PXDNL: variants seen among roughly 807,000 people sequenced by gnomAD.
The protein encoded by PXDNL is peroxidasin like.
Under a neutral mutation model 150.8 loss-of-function variants are expected in PXDNL, and 145 were observed. The ratio of observed to expected loss-of-function variants is 0.96; its 90% confidence interval spans 0.84 to 1.10. PXDNL has a LOEUF of 1.10. PXDNL is among the 50% of genes least tolerant of loss of function. The probability of loss-of-function intolerance (pLI) is 0.00; values close to 1 mark genes in which losing one functional copy is unlikely to be tolerated. For missense variants in PXDNL, 2,087 were observed against 1,873.9 expected (o/e 1.11, Z -2.10); for synonymous variants, 757 against 725.7 (o/e 1.04, Z -0.69).
chr8:51,449,140 T>C (rs1809749163), intron 10 of PXDNL, 22 bp from the exon 11 acceptor site: 1 of 1,316,926 alleles, frequency 7.6e-7, no homozygotes, highest in African/African-American at 1.5e-5. Flanking sequence ...GAAACATACA[T>C]CAAAATTGAA....
intron 1 of PXDNL, among the ~76,000 whole-genome samples, chr8:51,798,376 C>T (rs949392975): frequency 4.6e-5 from 7 of 152,084 alleles, no homozygotes; most frequent in Non-Finnish European, 1.0e-4. Flanking sequence ...GCAAAAGAAA[C>T]TATCATCAGA....
At position 51,408,661 on chromosome 8, in the gene PXDNL, A is replaced by G. The variant is rs1208178270; in HGVS notation, c.2963T>C (p.Leu988Pro). Residue 988 changes from leucine (L) to proline (P), a missense_variant, in exon 17 of 23, where the codon CTG (leucine) becomes CCG (proline). Physicochemically the swap from Leu to Pro is moderately conservative, Grantham distance 98. Transcript: ENST00000356297. ...CGTGTTTCCCTCCCAGTGGGGGTTCAGGGCGGACAGCTCCGTGGCCATCCT... is the reference window on the plus strand; with the variant it reads ...CGTGTTTCCCTCCCAGTGGGGGTTCGGGGCGGACAGCTCCGTGGCCATCCT... ...HNRMATELSA[L>P]NPHWEGNTVY... 1.2e-6 allele frequency: 2 copies of G among 1,603,732 alleles called. No homozygotes were observed. Among genetic ancestry groups the G allele is most frequent in the African/African-American group, 1.3e-5 (1 of 74,754 alleles).
chr8:51,637,860 G>C lies in PXDNL; in HGVS notation c.236+16829C>G, dbSNP rs188632655. 4.5e-4 allele frequency among the ~76,000 whole-genome samples: 69 copies of C among 152,248 alleles called. 1 individual carries two copies. Among genetic ancestry groups the C allele is most frequent in the African/African-American group, 1.7e-3 (69 of 41,546 alleles). On this transcript the variant is annotated intron_variant, in intron 2 of 22. Transcript: ENST00000356297. ...CAGGAAATACAGAGAACGCCACAAA[G>C]ATACTCCTCAAGAAGAGCAACTCCA... is the stretch of plus-strand genomic sequence containing the variant.
In PXDNL at chr8:51,556,890, G is replaced by T. The variant is rs370927698; in HGVS notation, c.330C>A (p.Ile110=). The T allele has an allele frequency of 1.3e-6, 2 of 1,579,230 alleles. No homozygotes were observed. Among genetic ancestry groups the T allele is most frequent in the Non-Finnish European group, 1.7e-6 (2 of 1,149,248 alleles). The change falls in exon 4 of 23, where the codon ATC becomes ATA. Residue 110 remains isoleucine (I), a synonymous_variant. Coordinates refer to ENST00000356297, the MANE Select transcript of PXDNL (RefSeq NM_144651.5). ...LLYLYLYKNE[I]HALDKQTFKG... ...TAAATGTTTGCTTATCTAGTGCATG[G>T]ATTTCATTCTTATACAGGTACCTGG...
At chr8:51,797,091 G>A (rs1490430495) in intron 1 of PXDNL, among the ~76,000 whole-genome samples, 1 of 152,130 alleles carries the variant, frequency 6.6e-6, no homozygotes, top group African/African-American at 2.4e-5. Context: ...TATCTCAATA[G>A]ACACAGAAAA....
chr8:51,537,912 C>T (rs1362691704), intron 4 of PXDNL, among the ~76,000 whole-genome samples: 1 of 152,096 alleles, frequency 6.6e-6, no homozygotes, highest in Non-Finnish European at 1.5e-5. Context: ...AAAAGCCACA[C>T]CACTTCCAGC....
intron 3 of PXDNL, among the ~76,000 whole-genome samples, chr8:51,570,439 T>C (rs1052772077): frequency 6.6e-6 from 1 of 151,982 alleles, no homozygotes; most frequent in African/African-American, 2.4e-5. Context: ...TTGTTTGTTT[T>C]GGTCTATTGT....
rs183423264 is a variant in PXDNL at position 51,329,662 on chromosome 8, T to C, written c.4147-8765A>G. ...AAAGTAGGCAACATTCAGGAAAACA[T>C]GGGTAATGTAAGTAGAGAGATAAAA... On this transcript the variant is annotated intron_variant, in intron 21 of 22. Transcript: ENST00000356297. Among the ~76,000 whole-genome samples, 18 of 152,170 alleles carry C rather than the reference T, an allele frequency of 1.2e-4. No individual in the cohort carries two copies. The East Asian group carries it at 3.5e-3, about 29-fold the overall frequency.
At chr8:51,363,627 G>T (rs962009589) in intron 19 of PXDNL, among the ~76,000 whole-genome samples, 2 of 152,144 alleles carry the variant, frequency 1.3e-5, no homozygotes, top group Non-Finnish European at 2.9e-5. Flanking sequence ...TAGGTCAGGG[G>T]TCCATCTTTA....
At chr8:51,637,960 G>T (rs1279356837) in intron 2 of PXDNL, among the ~76,000 whole-genome samples, 1 of 152,152 alleles carries the variant, frequency 6.6e-6, no homozygotes, top group East Asian at 1.9e-4. Flanking sequence ...AGAAAGGTCG[G>T]GTTACCCACA....
chr8:51,475,453 G>C (rs999792148), intron 6 of PXDNL, among the ~76,000 whole-genome samples: 1 of 152,078 alleles, frequency 6.6e-6, no homozygotes, highest in Non-Finnish European at 1.5e-5. Context: ...ATTTGTTTCA[G>C]AGAAATGTAG....
At chr8:51,452,047 A>G (rs1265356325) in intron 10 of PXDNL, among the ~76,000 whole-genome samples, 1 of 152,222 alleles carries the variant, frequency 6.6e-6, no homozygotes, top group Non-Finnish European at 1.5e-5. Flanking sequence ...AGTTCTGTTA[A>G]GCAATGACTG....
At chr8:51,630,567 A>C (rs1264956830) in intron 2 of PXDNL, among the ~76,000 whole-genome samples, 1 of 152,196 alleles carries the variant, frequency 6.6e-6, no homozygotes, top group Non-Finnish European at 1.5e-5. Context: ...AGAATCTATA[A>C]GGAATGTAAA....
chr8:51,500,848 G>A (rs77762739), intron 4 of PXDNL, among the ~76,000 whole-genome samples: 3,907 of 152,196 alleles, frequency 0.026, 79 homozygotes, highest in Non-Finnish European at 0.034. Flanking sequence ...TACAACCCAC[G>A]TTTCCATAAA....
intron 1 of PXDNL, among the ~76,000 whole-genome samples, chr8:51,657,568 C>T (rs10958294): frequency 0.66 from 100,695 of 152,016 alleles, 33,856 homozygotes; most frequent in Non-Finnish European, 0.72. Context: ...TATTTACTAA[C>T]AATATTGCAA....
chr8:51,356,578 A>G (rs959132690), intron 19 of PXDNL, among the ~76,000 whole-genome samples: 1 of 152,094 alleles, frequency 6.6e-6, no homozygotes, highest in Non-Finnish European at 1.5e-5. Context: ...AATGTTCTGT[A>G]AAGTATGTTA....
chr8:51,766,259 C>A (rs1187592318), intron 1 of PXDNL, among the ~76,000 whole-genome samples: 1 of 152,162 alleles, frequency 6.6e-6, no homozygotes, highest in Non-Finnish European at 1.5e-5. Flanking sequence ...CAGCTCTGTT[C>A]CCTTCCCACT....
At chr8:51,543,829 A>G (rs1345361143) in intron 4 of PXDNL, among the ~76,000 whole-genome samples, 1 of 152,162 alleles carries the variant, frequency 6.6e-6, no homozygotes, top group Non-Finnish European at 1.5e-5. Context: ...TTTACAAAAG[A>G]GATATTTGCT....
chr8:51,402,462 C>T (rs1808284632), intron 17 of PXDNL, among the ~76,000 whole-genome samples: 1 of 151,792 alleles, frequency 6.6e-6, no homozygotes, highest in Non-Finnish European at 1.5e-5. Flanking sequence ...GACGCTGCAG[C>T]AAGCCGAGAT....
Sources: gnomAD v4.1 joint callset for allele counts (sites outside exome capture counted in the v4.1 genomes callset) on GRCh38, gnomAD v4.1.1 for gene constraint, MANE v1.5 for transcripts, NCBI Gene and HGNC (gene_info 2026-07-23, HGNC 2026-07-21) for gene names.